The following P4HA2 variants were observed in gnomAD, a reference collection of about 807,000 sequenced individuals.
P4HA2 encodes prolyl 4-hydroxylase subunit alpha-2.
In P4HA2, 46 loss-of-function variants were observed where a neutral mutation model predicts 76.9. The observed-to-expected ratio is 0.60, with a 90% CI of 0.47 to 0.76. The LOEUF is 0.76. P4HA2 is among the 30% of genes least tolerant of loss of function. P4HA2 has a pLI of 0.00. For synonymous variants in P4HA2, 243 were observed against 254.0 expected, an observed-to-expected ratio of 0.96 and a Z score of 0.41; for missense variants, 583 against 669.4, an observed-to-expected ratio of 0.87 and a Z score of 1.42.
intron 12 of P4HA2, among the ~76,000 whole-genome samples, chr5:132,197,608 C>CAAAAAAAAAAAAAAAAAAAAAAAAAAA (rs555319735): frequency 1.8e-5 from 1 of 55,192 alleles, no homozygotes; most frequent in African/African-American, 6.8e-5. Context: ...ACTCCATCTC[C>CAAAAAAAAAAAAAAAAAAAAAAAAAAA]AAAAAAAAAA....
intron 12 of P4HA2, 67 bp from the exon 13 acceptor site, chr5:132,195,547 G>A: frequency 8.3e-7 from 1 of 1,198,760 alleles, no homozygotes; most frequent in Non-Finnish European, 1.2e-6. Context: ...AGCCACAAAG[G>A]ACATGACAAG....
intron 10 of P4HA2, chr5:132,203,381 T>C (rs1751776462): frequency 4.9e-6 from 1 of 202,562 alleles, no homozygotes; most frequent in Non-Finnish European, 1.0e-5. Context: ...TGTATTTGAT[T>C]ATGACACAGA....
intron 1 of P4HA2, among the ~76,000 whole-genome samples, chr5:132,219,665 G>A (rs1754389100): frequency 1.3e-5 from 2 of 152,090 alleles, no homozygotes; most frequent in Non-Finnish European, 1.5e-5. Context: ...TGCTCAAATG[G>A]AAATTCACTA....
intron 10 of P4HA2, chr5:132,201,882 G>A (rs936126585): frequency 1.3e-5 from 2 of 152,274 alleles, no homozygotes; most frequent in African/African-American, 2.4e-5. Context: ...CACAGGTCCT[G>A]TCTACTCAGC....
chr5:132,221,883 C>T (rs1754693124), intron 1 of P4HA2, among the ~76,000 whole-genome samples: 1 of 152,264 alleles, frequency 6.6e-6, no homozygotes, highest in South Asian at 2.1e-4. Context: ...ATTCACCCAT[C>T]AGGCGACTGG....
chr5:132,212,680 C>T (rs1753251791), intron 5 of P4HA2, among the ~76,000 whole-genome samples: 1 of 152,192 alleles, frequency 6.6e-6, no homozygotes, highest in Admixed American at 6.5e-5. Context: ...GGATGTCATC[C>T]ACCTCAGGTG....
intron 7 of P4HA2, 70 bp downstream of exon 7, chr5:132,209,068 C>T (rs1049386819): frequency 1.6e-5 from 19 of 1,185,020 alleles, no homozygotes; most frequent in Admixed American, 2.2e-5. Context: ...ACACCTTCCC[C>T]AAATCTGCCT....
Position 132,214,158 on chromosome 5 carries a change from TCCCCGC to T in P4HA2, c.332-111_332-106del, listed in dbSNP as rs1753530723. ...AAGAGGGTCTCTGGCTAGTGAAATT[TCCCCGC>T]CCCCTCCCTCAAAGGCTGTTGCCCC... On this transcript the variant is annotated intron_variant, in intron 4 of 14. Transcript: ENST00000360568. 3.3e-5 allele frequency: 38 copies of T among 1,140,186 alleles called. 2 individuals are homozygous for T. In the South Asian group the frequency reaches 5.7e-4, roughly 17 times the overall value. 70.6% of individuals were successfully genotyped at this position (1,140,186 alleles called of 1,614,324 possible). A position where few individuals can be genotyped will look rare whatever the true frequency, so the allele number is the denominator to read the frequency against.
At chr5:132,221,079 T>C (rs1754593246) in intron 1 of P4HA2, among the ~76,000 whole-genome samples, 1 of 152,146 alleles carries the variant, frequency 6.6e-6, no homozygotes, top group African/African-American at 2.4e-5. Flanking sequence ...GGAGGCAGCA[T>C]CCGAGAGGGA....
chr5:132,216,796 G>A (rs1753956441), intron 4 of P4HA2, among the ~76,000 whole-genome samples: 1 of 152,124 alleles, frequency 6.6e-6, no homozygotes, highest in South Asian at 2.1e-4. Context: ...TTTTTTAAAT[G>A]TATATGCATA....
chr5:132,206,001 T>TGACAGGGTAAA, intron 8 of P4HA2, among the ~76,000 whole-genome samples: 1 of 152,176 alleles, frequency 6.6e-6, no homozygotes, highest in Non-Finnish European at 1.5e-5. Context: ...CAGAATAGCA[T>TGACAGGGTAAA]CTGTCCCTCA....
chr5:132,207,960 C>T, intron 7 of P4HA2, 76 bp from the exon 8 acceptor site: 1 of 1,138,264 alleles, frequency 8.8e-7, no homozygotes, highest in Non-Finnish European at 1.2e-6. Flanking sequence ...TCTGCAGACA[C>T]TGGACTCACC....
chr5:132,197,100 G>A (rs571216310), intron 12 of P4HA2, among the ~76,000 whole-genome samples: 1 of 152,244 alleles, frequency 6.6e-6, no homozygotes, highest in East Asian at 1.9e-4. Flanking sequence ...CTCAGCAGAG[G>A]GGAGAGGAAA....
intron 12 of P4HA2, among the ~76,000 whole-genome samples, chr5:132,196,860 C>CAAAAAAAA (rs34410092): frequency 1.0e-5 from 1 of 100,036 alleles, no homozygotes; most frequent in African/African-American, 4.0e-5. Context: ...GAGTCTGTCT[C>CAAAAAAAA]AAAAAAAAAA....
intron 1 of P4HA2, among the ~76,000 whole-genome samples, chr5:132,223,874 C>G (rs1487653770): frequency 6.6e-6 from 1 of 152,236 alleles, no homozygotes; most frequent in African/African-American, 2.4e-5. Flanking sequence ...AAAACACACT[C>G]TGCTAGATAT....
intron 12 of P4HA2, among the ~76,000 whole-genome samples, chr5:132,197,374 G>A (rs1750785229): frequency 1.3e-5 from 2 of 152,092 alleles, no homozygotes; most frequent in Admixed American, 6.5e-5. Context: ...TTGGGAGGCC[G>A]AGGGGGGCGG....
Position 132,193,012 on chromosome 5 carries a change from A to C in P4HA2, c.1600T>G (p.Ter534GlyextTer17). The change falls in exon 15 of 15, where the codon TGA becomes GGA. Residue 534 changes from the stop codon to glycine, a stop_lost. Transcript: ENST00000360568. ...AAGGGGAAGGACAGAAAAGGATGTCAGTCAACTTCTGTTGATCCACAAGGT... is the reference window on the plus strand; with the variant it reads ...AAGGGGAAGGACAGAAAAGGATGTCCGTCAACTTCTGTTGATCCACAAGGT... ...LRPCGSTEVD[*>G] is the part of the protein sequence containing the mutation. 6.3e-7 allele frequency: 1 copy of C among 1,598,828 alleles called. No homozygotes were observed. The highest frequency in any genetic ancestry group is 8.6e-7 in the Non-Finnish European group (1 of 1,165,952).
chr5:132,225,276 T>C (rs1406261312), intron 1 of P4HA2, among the ~76,000 whole-genome samples: 2 of 152,292 alleles, frequency 1.3e-5, no homozygotes, highest in Middle Eastern at 3.4e-3. Context: ...CAGCTTTTCC[T>C]GCCAACTTCC....
At position 132,213,909 on chromosome 5, in the gene P4HA2, G is replaced by A; in HGVS notation, c.469+7C>T. 6.2e-7 allele frequency: 1 copy of A among 1,613,936 alleles called. No individual in the cohort carries two copies. The highest frequency in any genetic ancestry group is 8.5e-7 in the Non-Finnish European group (1 of 1,179,840). ...CGGGACAGGCAACGCCTGGAGTGGT[G>A]AGTTACCTGGAAGTTCCCCTCTGGA... On this transcript the variant is annotated splice_region_variant and intron_variant, in intron 5 of 14. Transcript: ENST00000360568.
Sources: allele counts gnomAD v4.1 joint callset (sites outside exome capture counted in the v4.1 genomes callset), GRCh38; gene constraint gnomAD v4.1.1; transcripts MANE v1.5; gene names NCBI Gene and HGNC (gene_info 2026-07-23, HGNC 2026-07-21).